PCSK2: variants seen among roughly 807,000 people sequenced by gnomAD.
PCSK2 encodes neuroendocrine convertase 2.
A neutral mutation model predicts 69.7 loss-of-function variants in PCSK2; 14 were observed. That is an observed-to-expected ratio of 0.20 (90% CI 0.13 to 0.31). PCSK2 has a LOEUF of 0.31. PCSK2 is among the 10% of genes least tolerant of loss of function. The probability of loss-of-function intolerance (pLI) is 1.00; values close to 1 mark genes in which losing one functional copy is unlikely to be tolerated. For synonymous variants in PCSK2, 307 were observed against 320.7 expected (o/e 0.96, Z 0.46); for missense variants, 544 against 842.5 (o/e 0.65, Z 4.39).
intron 11 of PCSK2, among the ~76,000 whole-genome samples, chr20:17,480,865 T>G (rs1320357783): frequency 6.6e-6 from 1 of 152,150 alleles, no homozygotes; most frequent in East Asian, 1.9e-4. Flanking sequence ...GTTAAATCCC[T>G]GCCACCTTTG....
intron 7 of PCSK2, among the ~76,000 whole-genome samples, chr20:17,432,971 A>G (rs554422372): frequency 9.8e-5 from 15 of 152,336 alleles, no homozygotes; most frequent in African/African-American, 3.6e-4. Flanking sequence ...GGGCTCAGGG[A>G]CAAGAGGCGC....
chr20:17,437,486 C>T (rs781363384), intron 8 of PCSK2, among the ~76,000 whole-genome samples: 6 of 152,278 alleles, frequency 3.9e-5, no homozygotes, highest in African/African-American at 7.2e-5. Context: ...TTCTCTGAGA[C>T]GCTGGGGCTG....
At position 17,482,127 on chromosome 20, in the gene PCSK2, C is replaced by T; in HGVS notation, c.*57C>T. On this transcript the variant is annotated 3_prime_UTR_variant, in exon 12 of 12. Coordinates refer to ENST00000262545, the MANE Select transcript of PCSK2 (RefSeq NM_002594.5). ...CTCCCCAGCTCCGCCTCTGTCCTCG[C>T]TCCACGTTTCAGGCAGGCACCTAGC... The T allele has an allele frequency of 6.7e-7, 1 of 1,489,780 alleles. No homozygotes were observed. Among genetic ancestry groups the T allele is most frequent in the Non-Finnish European group, 8.9e-7 (1 of 1,122,470 alleles). 92.3% of individuals were successfully genotyped at this position (1,489,780 alleles called of 1,614,324 possible).
At chr20:17,319,401 T>G (rs573113142) in intron 2 of PCSK2, among the ~76,000 whole-genome samples, 1 of 152,246 alleles carries the variant, frequency 6.6e-6, no homozygotes, top group Admixed American at 6.5e-5. Context: ...AGCCGATTGG[T>G]CTTGAACGGC....
intron 11 of PCSK2, among the ~76,000 whole-genome samples, chr20:17,475,142 C>T (rs1033162479): frequency 1.3e-5 from 2 of 151,772 alleles, no homozygotes; most frequent in Non-Finnish European, 2.9e-5. Context: ...GTGCATGTGG[C>T]CTGACCCACC....
chr20:17,352,057 C>T (rs2030007499), intron 2 of PCSK2, among the ~76,000 whole-genome samples: 1 of 152,142 alleles, frequency 6.6e-6, no homozygotes, highest in Non-Finnish European at 1.5e-5. Context: ...ACGCCAATAA[C>T]GTTCAAGCTG....
intron 6 of PCSK2, among the ~76,000 whole-genome samples, chr20:17,427,254 A>T (rs2032267123): frequency 6.6e-6 from 1 of 152,238 alleles, no homozygotes; most frequent in African/African-American, 2.4e-5. Context: ...TATATCTAAC[A>T]CTATTCCCTA....
At chr20:17,339,334 G>T (rs928120368) in intron 2 of PCSK2, among the ~76,000 whole-genome samples, 12 of 152,226 alleles carry the variant, frequency 7.9e-5, no homozygotes, top group African/African-American at 2.9e-4. Flanking sequence ...TTCACAAGCT[G>T]CTGTGAGCCA....
intron 2 of PCSK2, among the ~76,000 whole-genome samples, chr20:17,354,015 G>A (rs1413493169): frequency 6.6e-6 from 1 of 152,148 alleles, no homozygotes. Flanking sequence ...GAAGAGCAGG[G>A]AAAACAAGGA....
intron 2 of PCSK2, among the ~76,000 whole-genome samples, chr20:17,304,678 G>A (rs1398757264): frequency 1.3e-5 from 2 of 152,142 alleles, no homozygotes; most frequent in East Asian, 1.9e-4. Flanking sequence ...TGATTTTGAA[G>A]TCACTCCTTC....
chr20:17,455,426 C>T (rs1023547731), intron 9 of PCSK2, among the ~76,000 whole-genome samples: 5 of 152,218 alleles, frequency 3.3e-5, no homozygotes, highest in Admixed American at 2.0e-4. Context: ...GTTTACCAGT[C>T]TCCCCTCTAA....
chr20:17,410,925 T>C (rs926995734), intron 6 of PCSK2, among the ~76,000 whole-genome samples: 1 of 152,234 alleles, frequency 6.6e-6, no homozygotes, highest in African/African-American at 2.4e-5. Context: ...ATCCACTGGC[T>C]ACTTGCTGTC....
At chr20:17,333,491 C>T (rs1379364102) in intron 2 of PCSK2, among the ~76,000 whole-genome samples, 1 of 152,084 alleles carries the variant, frequency 6.6e-6, no homozygotes, top group Non-Finnish European at 1.5e-5. Flanking sequence ...GCTGATGGAG[C>T]GAGGGTGGTC....
intron 7 of PCSK2, among the ~76,000 whole-genome samples, chr20:17,433,952 T>TTCTC (rs1400710513): frequency 8.0e-6 from 1 of 124,824 alleles, no homozygotes; most frequent in East Asian, 2.9e-4. Flanking sequence ...TCTCTCTACC[T>TTCTC]TCTCTCTCCT....
At chr20:17,428,080 T>C (rs951694421) in intron 6 of PCSK2, among the ~76,000 whole-genome samples, 2 of 152,224 alleles carry the variant, frequency 1.3e-5, no homozygotes, top group Admixed American at 6.5e-5. Context: ...AATTTAGCAA[T>C]GAAATGTTTC....
chr20:17,355,680 G>C (rs568626237), intron 2 of PCSK2, among the ~76,000 whole-genome samples: 68 of 79,062 alleles, frequency 8.6e-4, no homozygotes, highest in African/African-American at 3.0e-3. Context: ...CACACAGAGA[G>C]AGAGCTATGG....
chr20:17,405,944 C>G lies in PCSK2; in HGVS notation c.544-3319C>G, dbSNP rs556209609. 1.6e-4 allele frequency among the ~76,000 whole-genome samples: 25 copies of G among 152,272 alleles called. No individual in the cohort carries two copies. The East Asian group carries it at 4.6e-3, about 28-fold the overall frequency. On this transcript the variant is annotated intron_variant, in intron 5 of 11. Transcript: ENST00000262545. ...ATAATTCAAGTTCTTAATGATGACT[C>G]TGAATCATCTCGATCCTGAATCATC...
chr20:17,462,377 T>C (rs1447824607), intron 10 of PCSK2, among the ~76,000 whole-genome samples: 1 of 152,148 alleles, frequency 6.6e-6, no homozygotes. Flanking sequence ...AAGAATCATT[T>C]GGATTAAATG....
chr20:17,248,349 C>A (rs1040739927), intron 1 of PCSK2, among the ~76,000 whole-genome samples: 1 of 152,154 alleles, frequency 6.6e-6, no homozygotes, highest in Non-Finnish European at 1.5e-5. Flanking sequence ...GATTTGCAGT[C>A]TACTTAAGAA....
Sources: gnomAD v4.1 joint callset for allele counts (sites outside exome capture counted in the v4.1 genomes callset) on GRCh38, gnomAD v4.1.1 for gene constraint, MANE v1.5 for transcripts, NCBI Gene and HGNC (gene_info 2026-07-23, HGNC 2026-07-21) for gene names.